The following OR2T1 variants were observed in gnomAD, a reference collection of about 807,000 sequenced individuals.
The protein encoded by OR2T1 is olfactory receptor 2T1.
For missense variants in OR2T1, 440 were observed against 390.2 expected (o/e 1.13, Z -1.07); for synonymous variants, 186 against 145.4 (o/e 1.28, Z -2.01).
At chr1:248,406,009 C>A in intron 1 of OR2T1, 106 bp from the exon 2 acceptor site, 1 of 1,608,456 alleles carries the variant, frequency 6.2e-7, no homozygotes, top group South Asian at 1.1e-5. Context: ...GGCAAGAATA[C>A]TATTTTTTAA....
In OR2T1 at chr1:248,406,545, TC is replaced by T; in HGVS notation, c.400del (p.Leu134SerfsTer2). On this transcript the variant is annotated frameshift_variant, in exon 2 of 2. Coordinates refer to ENST00000642005, the MANE Select transcript of OR2T1 (RefSeq NM_030904.2). LOFTEE classifies it low-confidence loss of function (END_TRUNC). ...VAICNPLRYP[V>X]LMSRRVCWMI... Reference sequence around the variant, plus strand: ...ATTTGCAACCCTCTGAGATACCCTGTCCTCATGAGCCGCCGGGTCTGTTGGA... The same window carrying T: ...ATTTGCAACCCTCTGAGATACCCTGTCTCATGAGCCGCCGGGTCTGTTGGA... 2 of 1,614,144 alleles carry T rather than the reference TC, an allele frequency of 1.2e-6. No homozygotes were observed. Among genetic ancestry groups the T allele is most frequent in the Non-Finnish European group, 1.7e-6 (2 of 1,180,000 alleles).
intron 1 of OR2T1, chr1:248,405,902 C>A: frequency 9.6e-7 from 1 of 1,046,778 alleles, no homozygotes; most frequent in Non-Finnish European, 1.4e-6. Flanking sequence ...CTGACCTCAT[C>A]TTCTCCAATG....
chr1:248,405,308 A>G (rs1429224555), intron 1 of OR2T1, among the ~76,000 whole-genome samples: 2 of 152,168 alleles, frequency 1.3e-5, no homozygotes, highest in Non-Finnish European at 2.9e-5. Flanking sequence ...AGAACTATGA[A>G]AAATTCTAAT....
rs1490082320 is a variant in OR2T1 at position 248,403,148 on chromosome 1, CAA to C, written c.-130_-129del. On this transcript the variant is annotated 5_prime_UTR_variant, in exon 1 of 2. Coordinates refer to ENST00000642005, the MANE Select transcript of OR2T1 (RefSeq NM_030904.2). ...AATTTCTACTAAGTAACAATCCTTT[CAA>C]GTCAAAGGATACTTGGGGGAAAAGA... 6.6e-6 allele frequency: 1 copy of C among 152,132 alleles called. No homozygotes were observed. Among genetic ancestry groups the C allele is most frequent in the Non-Finnish European group, 1.5e-5 (1 of 68,020 alleles). 9.4% of individuals were successfully genotyped at this position (152,132 alleles called of 1,614,324 possible).
Position 248,407,940 on chromosome 1 carries a change from C to T in OR2T1, c.*836C>T, listed in dbSNP as rs1227894115. 1 of 152,262 alleles carries T rather than the reference C, an allele frequency of 6.6e-6. No individual in the cohort carries two copies. The highest frequency in any genetic ancestry group is 6.5e-5 in the Admixed American group (1 of 15,282). The allele number at this position is 152,262 out of a possible 1,614,324, so 9.4% of individuals were successfully genotyped here. A position where few individuals can be genotyped will look rare whatever the true frequency, so the allele number is the denominator to read the frequency against. ...GAAGGGCCGTGGGATCCCCAATTTACAATCACTTGGTCAAAAGTACAGGAC... is the reference window on the plus strand; with the variant it reads ...GAAGGGCCGTGGGATCCCCAATTTATAATCACTTGGTCAAAAGTACAGGAC... On this transcript the variant is annotated 3_prime_UTR_variant, in exon 2 of 2. Transcript: ENST00000642005.
chr1:248,407,199 C>G lies in OR2T1; in HGVS notation c.*95C>G. 1 of 1,227,118 alleles carries G rather than the reference C, an allele frequency of 8.1e-7. No homozygotes were observed. The highest frequency in any genetic ancestry group is 1.1e-6 in the Non-Finnish European group (1 of 877,472). 76.0% of individuals were successfully genotyped at this position (1,227,118 alleles called of 1,614,324 possible). On this transcript the variant is annotated 3_prime_UTR_variant, in exon 2 of 2. Transcript: ENST00000642005. ...AAGATGAAGCAAAAAGGGAGGGAGT[C>G]ATATGATTACAATATTGGTTTTTTG...
intron 1 of OR2T1, among the ~76,000 whole-genome samples, chr1:248,405,687 G>A (rs936319769): frequency 6.6e-5 from 10 of 152,188 alleles, no homozygotes; most frequent in African/African-American, 2.2e-4. Flanking sequence ...GAAGACATGA[G>A]CTACTCACAG....
intron 1 of OR2T1, chr1:248,405,843 T>G (rs1661542371): frequency 1.5e-6 from 1 of 677,788 alleles, no homozygotes; most frequent in South Asian, 1.9e-5. Context: ...TAGCATGGTA[T>G]GCAACCTTAG....
rs914404928 is a variant in OR2T1 at position 248,403,250 on chromosome 1, T to A, written c.-34+5T>A. 4 of 152,156 alleles carry A rather than the reference T, an allele frequency of 2.6e-5. No homozygotes were observed. The highest frequency in any genetic ancestry group is 9.7e-5 in the African/African-American group (4 of 41,448). 9.4% of individuals were successfully genotyped at this position (152,156 alleles called of 1,614,324 possible). ...ACCTTTTCTGAAGATCAGGAGGTATTTGCAATTTAAATTCATAGATTTTAG... is the reference window on the plus strand; with the variant it reads ...ACCTTTTCTGAAGATCAGGAGGTATATGCAATTTAAATTCATAGATTTTAG... On this transcript the variant is annotated splice_donor_5th_base_variant and intron_variant, in intron 1 of 1. Transcript: ENST00000642005.
Position 248,406,834 on chromosome 1 carries a change from A to G in OR2T1, c.687A>G (p.Ser229=). 6.2e-7 allele frequency: 1 copy of G among 1,614,158 alleles called. No homozygotes were observed. The highest frequency in any genetic ancestry group is 8.5e-7 in the Non-Finnish European group (1 of 1,180,010). Residue 229 remains serine (S), a synonymous_variant, in exon 2 of 2, where the codon TCA becomes TCG. Transcript: ENST00000642005. Reference sequence around the variant, plus strand: ...TGACTACAGTTCAGTGCATGAGCTCAGTGGAGGGCAGGAAGAAGGCATTTG... The same window carrying G: ...TGACTACAGTTCAGTGCATGAGCTCGGTGGAGGGCAGGAAGAAGGCATTTG... ...RILTTVQCMS[S]VEGRKKAFAT...
intron 1 of OR2T1, among the ~76,000 whole-genome samples, chr1:248,404,130 T>A (rs1453845518): frequency 1.1e-4 from 1 of 8,760 alleles, no homozygotes; most frequent in Non-Finnish European, 3.3e-4. Context: ...ACGGAAAAAT[T>A]CCAATTTCCA....
chr1:248,406,352 G>T lies in OR2T1; in HGVS notation c.205G>T (p.Asp69Tyr). 6.2e-7 allele frequency: 1 copy of T among 1,614,056 alleles called. No homozygotes were observed. The change falls in exon 2 of 2, where the codon GAC becomes TAC. Residue 69 changes from aspartate to tyrosine, a missense_variant. Physicochemically the swap from Asp to Tyr is radical, Grantham distance 160. Transcript: ENST00000642005. ...CCTCCTCAGCCACCTTTCCTTAATT[G>T]ACATGATGTATATTTCCACTATTGT... ...YFLLSHLSLI[D>Y]MMYISTIVPK...
intron 1 of OR2T1, among the ~76,000 whole-genome samples, chr1:248,404,245 G>GGCTGCTATTACATATACGTGTGTGTGTAT: frequency 1.8e-4 from 27 of 151,074 alleles, no homozygotes; most frequent in South Asian, 8.4e-4. Context: ...AGACAGCAGA[G>GGCTGCTATTACATATACGTGTGTGTGTAT]ACCACTGTTT....
chr1:248,404,318 C>G (rs928140956), intron 1 of OR2T1, among the ~76,000 whole-genome samples: 4 of 1,884 alleles, frequency 2.1e-3, no homozygotes, highest in Non-Finnish European at 1.4e-3. Context: ...TGATAAAAGT[C>G]AAACCGAAAA....
At chr1:248,404,546 TTA>T (rs1224274738) in intron 1 of OR2T1, among the ~76,000 whole-genome samples, 60 of 135,160 alleles carry the variant, frequency 4.4e-4, no homozygotes, top group Middle Eastern at 7.6e-3. Context: ...AAAATATACA[TTA>T]TATATATATA....
chr1:248,407,253 G>GT lies in OR2T1; in HGVS notation c.*151dup. ...AGGGTTTCTGGTTCATAACTCCATA[G>GT]TTATGATGTTGTGGTTTTTTAGGCC... is the stretch of plus-strand genomic sequence containing the variant. On this transcript the variant is annotated 3_prime_UTR_variant, in exon 2 of 2. Coordinates refer to ENST00000642005, the MANE Select transcript of OR2T1 (RefSeq NM_030904.2). 1.9e-6 allele frequency: 1 copy of GT among 533,192 alleles called. No homozygotes were observed. Among genetic ancestry groups the GT allele is most frequent in the East Asian group, 3.4e-5 (1 of 29,618 alleles). The allele number at this position is 533,192 out of a possible 1,614,324, so 33.0% of individuals were successfully genotyped here.
chr1:248,403,521 C>A (rs1003247716), intron 1 of OR2T1, among the ~76,000 whole-genome samples: 1 of 152,046 alleles, frequency 6.6e-6, no homozygotes, highest in African/African-American at 2.4e-5. Flanking sequence ...TAATTAATGT[C>A]GTGACCAGAG....
rs556016440 is a variant in OR2T1, at chr1:248,407,526, GC to G, written c.*424del. The stretch of plus-strand genomic sequence containing the variant: ...GGCCAAGAAAAATCCGATCAGACAG[GC>G]CTTCGTGGGTGTCCCCACTCACTCT... On this transcript the variant is annotated 3_prime_UTR_variant, in exon 2 of 2. Coordinates refer to ENST00000642005, the MANE Select transcript of OR2T1 (RefSeq NM_030904.2). The G allele has an allele frequency of 4.9e-3, 848 of 174,318 alleles. 4 individuals are homozygous for G. The highest frequency in any genetic ancestry group is 8.1e-3 in the Non-Finnish European group (679 of 83,706). The allele number at this position is 174,318 out of a possible 1,614,324, so 10.8% of individuals were successfully genotyped here. A position where few individuals can be genotyped will look rare whatever the true frequency, so the allele number is the denominator to read the frequency against.
intron 1 of OR2T1, 29 bp from the exon 2 acceptor site, chr1:248,406,086 C>G (rs1047784833): frequency 3.7e-6 from 6 of 1,613,708 alleles, no homozygotes; most frequent in Non-Finnish European, 5.1e-6. Flanking sequence ...ATTTTACTGC[C>G]CTGGGAATGC....
Sources: gnomAD v4.1 joint callset for allele counts (sites outside exome capture counted in the v4.1 genomes callset) on GRCh38, gnomAD v4.1.1 for gene constraint, MANE v1.5 for transcripts, NCBI Gene and HGNC (gene_info 2026-07-23, HGNC 2026-07-21) for gene names.